AXIN1: variants seen among roughly 807,000 people sequenced by gnomAD.
AXIN1 encodes the protein axin-1.
A neutral mutation model predicts 76.4 loss-of-function variants in AXIN1; 30 were observed. The observed-to-expected ratio is 0.39, with a 90% CI of 0.29 to 0.53. The LOEUF is 0.53. Among genes scored for constraint, AXIN1 ranks in the 20% least tolerant of loss-of-function variants. The pLI, the probability that AXIN1 is intolerant of heterozygous loss-of-function variation, is 0.66. For missense variants in AXIN1, 1,140 were observed against 1,198.8 expected (o/e 0.95, Z 0.72); for synonymous variants, 545 against 501.4 (o/e 1.09, Z -1.16).
At chr16:348,186 C>G (rs2141714918) in intron 1 of AXIN1, among the ~76,000 whole-genome samples, 1 of 152,304 alleles carries the variant, frequency 6.6e-6, no homozygotes. Context: ...CCTACAGGAG[C>G]CCAGGAGCTC....
intron 2 of AXIN1, among the ~76,000 whole-genome samples, chr16:339,537 C>A (rs1430518444): frequency 4.0e-5 from 6 of 150,372 alleles, no homozygotes. Flanking sequence ...AAAAAATTAG[C>A]CAGGCATGGC....
At chr16:329,454 C>CT (rs1555484485) in intron 2 of AXIN1, among the ~76,000 whole-genome samples, 3 of 151,656 alleles carry the variant, frequency 2.0e-5, no homozygotes, top group Admixed American at 6.6e-5. Context: ...TCTTTCTTTT[C>CT]TTTTTTTTGG....
intron 2 of AXIN1, among the ~76,000 whole-genome samples, chr16:321,432 T>C (rs1350973775): frequency 1.3e-5 from 2 of 152,262 alleles, no homozygotes; most frequent in South Asian, 2.1e-4. Flanking sequence ...TAAGTTCTGA[T>C]GGTTTTGCTT....
rs1345782753 is a variant in AXIN1 at position 297,235 on chromosome 16, G to C, written c.1785-9C>G. On this transcript the variant is annotated splice_polypyrimidine_tract_variant and intron_variant, in intron 6 of 10. Coordinates refer to ENST00000262320, the MANE Select transcript of AXIN1 (RefSeq NM_003502.4). ...CCACGCCCACCTTCCCACTGCAAGG[G>C]CAAGAGCTGCGAGTCGCCCTGGCCT... 2 of 1,604,050 alleles carry C rather than the reference G, an allele frequency of 1.2e-6. No individual in the cohort carries two copies. Among genetic ancestry groups the C allele is most frequent in the African/African-American group, 1.3e-5 (1 of 74,912 alleles).
At chr16:312,573 G>A (rs1050383731) in intron 3 of AXIN1, among the ~76,000 whole-genome samples, 2 of 152,202 alleles carry the variant, frequency 1.3e-5, no homozygotes, top group Non-Finnish European at 2.9e-5. Flanking sequence ...CACCTGGCCC[G>A]AGGCTTCAGG....
chr16:349,040 G>C (rs1426226633), intron 1 of AXIN1, among the ~76,000 whole-genome samples: 1 of 151,698 alleles, frequency 6.6e-6, no homozygotes, highest in African/African-American at 2.4e-5. Context: ...AGAGCTTGCA[G>C]TGAGCCGACA....
chr16:302,152 C>T (rs28454675), intron 5 of AXIN1, among the ~76,000 whole-genome samples: 4,615 of 152,344 alleles, frequency 0.03, 255 homozygotes, highest in African/African-American at 0.1. Flanking sequence ...CGAGGCCTCA[C>T]TCTCACCGCC....
intron 4 of AXIN1, among the ~76,000 whole-genome samples, chr16:307,912 C>A (rs1280850190): frequency 2.6e-5 from 4 of 152,234 alleles, no homozygotes; most frequent in Non-Finnish European, 5.9e-5. Context: ...AGGCCCCGGG[C>A]AGCTGTGCCC....
chr16:291,254 G>T lies in AXIN1; in HGVS notation c.2230C>A (p.Pro744Thr), dbSNP rs2141476363. The T allele has an allele frequency of 6.3e-7, 1 of 1,585,548 alleles. No homozygotes were observed. The highest frequency in any genetic ancestry group is 1.1e-5 in the South Asian group (1 of 87,734). Residue 744 changes from proline to threonine, a missense_variant, in exon 9 of 11, where the codon CCA (proline) becomes ACA (threonine). Transcript: ENST00000262320. ...VMRRGRACVRPACAPVLHVVP... is the reference protein window; with the variant it reads ...VMRRGRACVRTACAPVLHVVP... ...ACGTGCAGCACCGGCGCGCACGCTG[G>T]CCTGACGCAGGCGCGTCCCCGCCGC...
chr16:332,663 C>CAA lies in AXIN1; in HGVS notation c.878+13483_878+13484dup, dbSNP rs34523667. Among the ~76,000 whole-genome samples, 926 of 113,736 alleles carry CAA rather than the reference C, an allele frequency of 8.1e-3. 10 individuals carry two copies. Among genetic ancestry groups the CAA allele is most frequent in the Middle Eastern group, 0.018 (3 of 166 alleles). 74.6% of individuals were successfully genotyped at this position (113,736 alleles called of 152,430 possible). ...TGATCTAAACAATGTTGATCTAAAC[C>CAA]AAAAAAAAAAAAAAAAAGTATAATT... On this transcript the variant is annotated intron_variant, in intron 2 of 10. Transcript: ENST00000262320.
intron 2 of AXIN1, among the ~76,000 whole-genome samples, chr16:335,029 G>A (rs1423522783): frequency 6.6e-6 from 1 of 152,154 alleles, no homozygotes; most frequent in East Asian, 1.9e-4. Context: ...CAACTCATGA[G>A]AATCTACAAA....
In AXIN1 at chr16:297,160, G is replaced by A. The variant is rs201962033; in HGVS notation, c.1851C>T (p.Thr617=). 24 of 1,611,908 alleles carry A rather than the reference G, an allele frequency of 1.5e-5. No homozygotes were observed. Among genetic ancestry groups the A allele is most frequent in the Middle Eastern group, 1.6e-4 (1 of 6,084 alleles). ...KKAESGKSAS[T]EVPGASEDAE... ...CATCCTCCGAGGCACCTGGCACCTC[G>A]GTGCTGGCGCTCTTCCCCGACTCAG... Residue 617 remains threonine, a synonymous_variant, in exon 7 of 11, where the codon ACC becomes ACT. Transcript: ENST00000262320.
At chr16:319,252 C>T (rs958546250) in intron 2 of AXIN1, among the ~76,000 whole-genome samples, 13 of 152,080 alleles carry the variant, frequency 8.5e-5, no homozygotes, top group African/African-American at 2.7e-4. Context: ...GCAGGAGACT[C>T]GCTGGAGCCC....
At chr16:338,263 C>A (rs969654835) in intron 2 of AXIN1, among the ~76,000 whole-genome samples, 1 of 152,228 alleles carries the variant, frequency 6.6e-6, no homozygotes, top group Non-Finnish European at 1.5e-5. Context: ...GGGTGCCAGG[C>A]GGCCAGTCAC....
intron 2 of AXIN1, among the ~76,000 whole-genome samples, chr16:342,973 T>C (rs1224376231): frequency 6.6e-6 from 1 of 152,068 alleles, no homozygotes; most frequent in African/African-American, 2.4e-5. Context: ...AAGAGAATGG[T>C]CTAAATGTGA....
At chr16:345,236 G>A (rs557912213) in intron 2 of AXIN1, among the ~76,000 whole-genome samples, 68 of 152,258 alleles carry the variant, frequency 4.5e-4, no homozygotes, top group African/African-American at 1.3e-3. Flanking sequence ...ATCGCCTCAG[G>A]GTCCAGGCTG....
intron 2 of AXIN1, among the ~76,000 whole-genome samples, chr16:317,103 C>T (rs576137922): frequency 1.4e-4 from 22 of 152,312 alleles, no homozygotes; most frequent in African/African-American, 4.8e-4. Flanking sequence ...CAGCCATCCA[C>T]CTGATGAACA....
intron 2 of AXIN1, among the ~76,000 whole-genome samples, chr16:330,061 C>CG (rs542329591): frequency 7.4e-6 from 1 of 134,458 alleles, no homozygotes; most frequent in South Asian, 2.5e-4. Flanking sequence ...CCACTGTGCC[C>CG]GGCCCTTTTT....
At position 297,904 on chromosome 16, in the gene AXIN1, G is replaced by GTGGTGGTGGACT. The variant is rs753008198; in HGVS notation, c.1601_1602insAGTCCACCACCA (p.Arg533_His534insGlnValHisHis). On this transcript the variant is annotated inframe_insertion, in exon 6 of 11. Transcript: ENST00000262320. ...TGCTGTGGTGGACGTGGTGGTGGAC[G>GTGGTGGTGGACT]TGTCGGTGGTGGTGCAGGCCGGCCG... 637 of 1,594,580 alleles carry GTGGTGGTGGACT rather than the reference G, an allele frequency of 4.0e-4. 3 individuals carry two copies. The highest frequency in any genetic ancestry group is 7.4e-5 in the Non-Finnish European group (87 of 1,169,660).
Sources: allele counts gnomAD v4.1 joint callset (sites outside exome capture counted in the v4.1 genomes callset), GRCh38; gene constraint gnomAD v4.1.1; transcripts MANE v1.5; gene names NCBI Gene and HGNC (gene_info 2026-07-23, HGNC 2026-07-21).